HCRTR2: variants seen among roughly 807,000 people sequenced by gnomAD.
HCRTR2 encodes the protein orexin receptor type 2.
Under a neutral mutation model 49.0 loss-of-function variants are expected in HCRTR2, and 22 were observed. The observed-to-expected ratio is 0.45, with a 90% CI of 0.32 to 0.64. The LOEUF (loss-of-function observed/expected upper bound fraction) is 0.64. Ranked by LOEUF, HCRTR2 falls within the 30% of genes least tolerant of loss-of-function variation. The pLI, the probability that HCRTR2 is intolerant of heterozygous loss-of-function variation, is 0.04. For synonymous variants in HCRTR2, 236 were observed against 205.3 expected (o/e 1.15, Z -1.28); for missense variants, 491 against 559.4 (o/e 0.88, Z 1.23).
intron 1 of HCRTR2, among the ~76,000 whole-genome samples, chr6:55,181,130 C>T (rs547150397): frequency 2.0e-5 from 3 of 149,258 alleles, no homozygotes; most frequent in East Asian, 2.0e-4. Context: ...TCTATATCAC[C>T]GGACAGTGTT....
At chr6:55,156,364 T>C (rs896209109) in intron 1 of HCRTR2, among the ~76,000 whole-genome samples, 3 of 152,040 alleles carry the variant, frequency 2.0e-5, no homozygotes, top group African/African-American at 7.2e-5. Flanking sequence ...CACATAATAA[T>C]CTTATTTAAT....
intron 4 of HCRTR2, among the ~76,000 whole-genome samples, chr6:55,275,267 A>T (rs1299635863): frequency 6.6e-6 from 1 of 152,194 alleles, no homozygotes; most frequent in East Asian, 1.9e-4. Flanking sequence ...TAATAGTGAA[A>T]TAAAAGTGGG....
chr6:55,200,049 C>T (rs1033575872), intron 1 of HCRTR2, among the ~76,000 whole-genome samples: 2 of 152,096 alleles, frequency 1.3e-5, no homozygotes, highest in African/African-American at 4.8e-5. Context: ...GTAAATATTG[C>T]CATCCATCAG....
intron 1 of HCRTR2, among the ~76,000 whole-genome samples, chr6:55,117,917 G>A (rs1764141384): frequency 6.6e-6 from 1 of 150,874 alleles, no homozygotes; most frequent in Non-Finnish European, 1.5e-5. Flanking sequence ...TTAAGTTCAG[G>A]GGCACATGTG....
chr6:55,158,914 G>A (rs912554576), intron 1 of HCRTR2, among the ~76,000 whole-genome samples: 10 of 152,186 alleles, frequency 6.6e-5, no homozygotes, highest in African/African-American at 2.4e-4. Context: ...AGCTGACTCT[G>A]AAGACAGCAG....
At chr6:55,122,118 T>A (rs1169716643) in intron 1 of HCRTR2, among the ~76,000 whole-genome samples, 1 of 152,166 alleles carries the variant, frequency 6.6e-6, no homozygotes, top group Non-Finnish European at 1.5e-5. Flanking sequence ...TGGTAAGCTA[T>A]TAATTATTGC....
chr6:55,254,318 CA>C (rs1766608255), intron 2 of HCRTR2, among the ~76,000 whole-genome samples: 1 of 151,914 alleles, frequency 6.6e-6, no homozygotes, highest in African/African-American at 2.4e-5. Flanking sequence ...ATATTTCATC[CA>C]GTATAAGAGA....
intron 1 of HCRTR2, among the ~76,000 whole-genome samples, chr6:55,123,419 G>A (rs886817761): frequency 6.6e-6 from 1 of 152,188 alleles, no homozygotes; most frequent in Admixed American, 6.6e-5. Flanking sequence ...TTTATGTGAT[G>A]GTTTGCATTT....
intron 1 of HCRTR2, among the ~76,000 whole-genome samples, chr6:55,142,780 C>A (rs1268938643): frequency 5.3e-5 from 8 of 151,204 alleles, no homozygotes; most frequent in Non-Finnish European, 1.0e-4. Flanking sequence ...GTGTATGTTA[C>A]CAGACCCATG....
At chr6:55,162,163 G>A (rs1323936795) in intron 1 of HCRTR2, among the ~76,000 whole-genome samples, 6 of 152,144 alleles carry the variant, frequency 3.9e-5, no homozygotes, top group Non-Finnish European at 7.3e-5. Flanking sequence ...TTCATACCTG[G>A]CATGCAAGGC....
At chr6:55,199,975 AG>A (rs1262958360) in intron 1 of HCRTR2, among the ~76,000 whole-genome samples, 2 of 152,192 alleles carry the variant, frequency 1.3e-5, no homozygotes, top group Non-Finnish European at 2.9e-5. Flanking sequence ...AAATGAGCAG[AG>A]TGTGGTGATT....
intron 1 of HCRTR2, among the ~76,000 whole-genome samples, chr6:55,220,184 A>G (rs1380187803): frequency 6.6e-6 from 1 of 152,166 alleles, no homozygotes; most frequent in African/African-American, 2.4e-5. Flanking sequence ...AGCATTTCAA[A>G]CTCATTTTAT....
At chr6:55,118,900 C>T (rs924561046) in intron 1 of HCRTR2, among the ~76,000 whole-genome samples, 1 of 151,598 alleles carries the variant, frequency 6.6e-6, no homozygotes, top group African/African-American at 2.4e-5. Flanking sequence ...AACCCGTCAC[C>T]TACATTAGGT....
chr6:55,208,097 G>T (rs975287762), intron 1 of HCRTR2, among the ~76,000 whole-genome samples: 15 of 152,004 alleles, frequency 9.9e-5, no homozygotes, highest in Non-Finnish European at 1.8e-4. Flanking sequence ...CCCTAATGAG[G>T]TGTTATTCAG....
chr6:55,278,709 T>C (rs1581874891), intron 5 of HCRTR2, among the ~76,000 whole-genome samples: 1 of 145,656 alleles, frequency 6.9e-6, no homozygotes, highest in African/African-American at 2.5e-5. Context: ...CATATCTTTT[T>C]GTGCTTTGCT....
At chr6:55,149,357 A>AT (rs1764634545) in intron 1 of HCRTR2, among the ~76,000 whole-genome samples, 1 of 152,008 alleles carries the variant, frequency 6.6e-6, no homozygotes, top group Non-Finnish European at 1.5e-5. Flanking sequence ...CACAGCAGGG[A>AT]TTTTCTCTGA....
Position 55,263,720 on chromosome 6 carries a change from C to T in HCRTR2, c.660C>T (p.Pro220=), listed in dbSNP as rs1384122345. 2 of 1,601,274 alleles carry T rather than the reference C, an allele frequency of 1.2e-6. No individual in the cohort carries two copies. Among genetic ancestry groups the T allele is most frequent in the African/African-American group, 1.3e-5 (1 of 74,612 alleles). ...CTTTCATCCTAGGTGAAATTTATCC[C>T]AAGATGTACCACATCTGTTTCTTTC... ...CDERWGGEIY[P]KMYHICFFLV... The change falls in exon 4 of 7, where the codon CCC becomes CCT. Residue 220 remains proline, a synonymous_variant. Transcript: ENST00000370862.
chr6:55,187,768 A>G (rs746573574), intron 1 of HCRTR2, among the ~76,000 whole-genome samples: 1 of 140,018 alleles, frequency 7.1e-6, no homozygotes, highest in Non-Finnish European at 1.5e-5. Context: ...ACCTTTACAT[A>G]TTATCAACTG....
At chr6:55,204,721 C>T (rs915314053) in intron 1 of HCRTR2, among the ~76,000 whole-genome samples, 8 of 152,132 alleles carry the variant, frequency 5.3e-5, no homozygotes, top group Non-Finnish European at 5.9e-5. Flanking sequence ...CAAGTGGAAA[C>T]TTAGATTTGG....
Sources: gnomAD v4.1 joint callset for allele counts (sites outside exome capture counted in the v4.1 genomes callset) on GRCh38, gnomAD v4.1.1 for gene constraint, MANE v1.5 for transcripts, NCBI Gene and HGNC (gene_info 2026-07-23, HGNC 2026-07-21) for gene names.